DPH6: variants seen among roughly 807,000 people sequenced by gnomAD.
The protein encoded by DPH6 is diphthamine biosynthesis 6, also known as diphthine--ammonia ligase.
DPH6 carries 33 observed loss-of-function variants against 38.2 expected under a neutral mutation model. The ratio of observed to expected loss-of-function variants is 0.86; its 90% CI spans 0.65 to 1.15. DPH6 has a LOEUF of 1.15. DPH6 is among the 50% of genes most tolerant of loss of function. DPH6 has a pLI of 0.00. For synonymous variants in DPH6, 108 were observed against 103.0 expected, an observed-to-expected ratio of 1.05 and a Z score of -0.30; for missense variants, 325 against 320.0, an observed-to-expected ratio of 1.02 and a Z score of -0.12.
At chr15:35,496,567 A>AAAAAAAAAATATATATAT in intron 3 of DPH6, among the ~76,000 whole-genome samples, 2 of 31,016 alleles carry the variant, frequency 6.4e-5, no homozygotes, top group Admixed American at 4.7e-4. Context: ...AAAAAAAAAA[A>AAAAAAAAAATATATATAT]ATATATATAT....
chr15:35,379,404 A>G (rs1791993490), intron 7 of DPH6, among the ~76,000 whole-genome samples: 1 of 152,232 alleles, frequency 6.6e-6, no homozygotes, highest in South Asian at 2.1e-4. Context: ...TACATCAAAT[A>G]TAACAGAAGT....
intron 3 of DPH6, among the ~76,000 whole-genome samples, chr15:35,257,497 T>G (rs1039013096): frequency 2.0e-5 from 3 of 152,132 alleles, no homozygotes; most frequent in African/African-American, 7.2e-5. Context: ...AATAATAATA[T>G]GTTGTTGAGG....
In DPH6 at chr15:35,436,510, AAAAC is replaced by A. The variant is rs1566909301; in HGVS notation, c.505+14171_505+14174del. Among the ~76,000 whole-genome samples, 46 of 47,418 alleles carry A rather than the reference AAAAC, an allele frequency of 9.7e-4. 3 individuals carry two copies. The highest frequency in any genetic ancestry group is 1.4e-3 in the African/African-American group (32 of 22,632). The allele number at this position is 47,418 out of a possible 152,430, so 31.1% of individuals were successfully genotyped here. A position where few individuals can be genotyped will look rare whatever the true frequency, so the allele number is the denominator to read the frequency against. On this transcript the variant is annotated intron_variant, in intron 5 of 8. Coordinates refer to ENST00000256538, the MANE Select transcript of DPH6 (RefSeq NM_080650.4). ...AAAACAAAACAAAACAAAACAAAAC[AAAAC>A]AAAAAAGGTTCTCTCCCTGTTCGTC...
intron 6 of DPH6, 67 bp from the exon 7 acceptor site, chr15:35,381,983 T>G (rs80019930): frequency 0.26 from 301,865 of 1,161,578 alleles, 40,506 homozygotes; most frequent in South Asian, 0.38. Flanking sequence ...TGCTCTCTTA[T>G]CTGGTACTAA....
intron 5 of DPH6, among the ~76,000 whole-genome samples, chr15:35,441,054 A>G (rs1353771744): frequency 1.3e-5 from 2 of 152,218 alleles, no homozygotes; most frequent in Non-Finnish European, 2.9e-5. Context: ...CATATATATG[A>G]AAAAAAGCTC....
downstream of DPH6, among the ~76,000 whole-genome samples, chr15:35,326,078 C>T (rs2052279883): frequency 6.6e-6 from 1 of 152,062 alleles, no homozygotes; most frequent in Non-Finnish European, 1.5e-5. Flanking sequence ...GGAACAAAAA[C>T]AATACATTGC....
the DPH6 span, among the ~76,000 whole-genome samples, chr15:35,187,207 T>C: frequency 6.6e-6 from 1 of 152,192 alleles, no homozygotes; most frequent in Non-Finnish European, 1.5e-5. Flanking sequence ...TATAATCACA[T>C]TGAATCATCA....
chr15:35,483,529 T>C (rs1045084513), intron 3 of DPH6, among the ~76,000 whole-genome samples: 5 of 149,436 alleles, frequency 3.3e-5, no homozygotes, highest in Non-Finnish European at 7.4e-5. Flanking sequence ...CTCACTAGAA[T>C]GTGTATAATC....
At chr15:35,259,706 C>A (rs1046233031) in intron 3 of DPH6, among the ~76,000 whole-genome samples, 1 of 152,326 alleles carries the variant, frequency 6.6e-6, no homozygotes, top group East Asian at 1.9e-4. Flanking sequence ...TACTGAGCAG[C>A]CAATATAAGT....
At position 35,315,978 on chromosome 15, in the gene DPH6, AC is replaced by A. The variant is rs369505755; in HGVS notation, n.200+57542del. The stretch of plus-strand genomic sequence containing the variant: ...ATGCATGTTCATACTCAATGTAGGA[AC>A]TAAAAAAGTTGATCTTGAGAAGATA... On this transcript the variant is annotated intron_variant and non_coding_transcript_variant, in intron 3 of 3. Transcript: ENST00000560386. Among the ~76,000 whole-genome samples, 97 of 152,314 alleles carry A rather than the reference AC, an allele frequency of 6.4e-4. 1 individual carries two copies. Among genetic ancestry groups the A allele is most frequent in the African/African-American group, 2.1e-3 (88 of 41,578 alleles).
At chr15:35,355,636 T>A (rs2052552961) in intron 3 of DPH6, among the ~76,000 whole-genome samples, 1 of 152,184 alleles carries the variant, frequency 6.6e-6, no homozygotes, top group African/African-American at 2.4e-5. Flanking sequence ...TGGCTTGTAG[T>A]TTCTGCCGAG....
In DPH6 at chr15:35,482,188, G is replaced by A. The variant is rs114179978; in HGVS notation, c.313-27368C>T. Among the ~76,000 whole-genome samples the A allele has an allele frequency of 4.8e-3, 737 of 152,268 alleles. 10 individuals are homozygous for A. Among genetic ancestry groups the A allele is most frequent in the African/African-American group, 0.017 (708 of 41,546 alleles). On this transcript the variant is annotated intron_variant, in intron 3 of 8. Coordinates refer to ENST00000256538, the MANE Select transcript of DPH6 (RefSeq NM_080650.4). ...TAACAACTGTGATCTCCTGGCAAAC[G>A]AACTGAAAAAACCAGTGACTCATCT...
chr15:35,384,218 G>C (rs1403852477), intron 6 of DPH6, among the ~76,000 whole-genome samples: 1 of 152,074 alleles, frequency 6.6e-6, no homozygotes, highest in African/African-American at 2.4e-5. Context: ...TTCTCTATCA[G>C]TATCATTGTA....
chr15:35,338,607 T>C (rs994217852), intron 3 of DPH6, among the ~76,000 whole-genome samples: 9 of 152,076 alleles, frequency 5.9e-5, no homozygotes, highest in African/African-American at 2.2e-4. Flanking sequence ...GTTCAACCAT[T>C]GTGGAAGTCA....
At chr15:35,458,756 C>T (rs901914611) in intron 3 of DPH6, among the ~76,000 whole-genome samples, 1 of 152,158 alleles carries the variant, frequency 6.6e-6, no homozygotes, top group African/African-American at 2.4e-5. Context: ...GGGACCCTAT[C>T]CCTACAAATT....
chr15:35,436,286 G>A (rs796928118), intron 5 of DPH6, among the ~76,000 whole-genome samples: 2 of 151,428 alleles, frequency 1.3e-5, no homozygotes, highest in Middle Eastern at 3.4e-3. Flanking sequence ...CTAACATGGT[G>A]AAACCCCGTC....
the DPH6 span, among the ~76,000 whole-genome samples, chr15:35,147,785 T>C: frequency 9.8e-5 from 15 of 152,286 alleles, no homozygotes; most frequent in East Asian, 7.7e-4. Flanking sequence ...TATAAAACAA[T>C]GGAATTTAAA....
At chr15:35,287,701 C>T (rs80245175) in intron 3 of DPH6, among the ~76,000 whole-genome samples, 3,261 of 152,040 alleles carry the variant, frequency 0.021, 59 homozygotes, top group South Asian at 0.033. Flanking sequence ...TTTTCATTTT[C>T]CTTAAACTCC....
chr15:35,488,586 C>A (rs2054435104), intron 3 of DPH6, among the ~76,000 whole-genome samples: 1 of 150,998 alleles, frequency 6.6e-6, no homozygotes, highest in Non-Finnish European at 1.5e-5. Flanking sequence ...GGGGAAATCA[C>A]CCCCATGATC....
Sources: allele counts gnomAD v4.1 joint callset (sites outside exome capture counted in the v4.1 genomes callset), GRCh38; gene constraint gnomAD v4.1.1; transcripts MANE v1.5; gene names NCBI Gene and HGNC (gene_info 2026-07-23, HGNC 2026-07-21).